Variants in DOCK1 observed in about 807,000 individuals in gnomAD.
The protein encoded by DOCK1 is dedicator of cytokinesis 1.
In DOCK1, 138 loss-of-function variants were observed where a neutral mutation model predicts 262.7. The ratio of observed to expected loss-of-function variants is 0.53; its 90% CI spans 0.46 to 0.61. The LOEUF is 0.61. Among genes scored for constraint, DOCK1 ranks in the 20% least tolerant of loss-of-function variants. The pLI is 0.00. For missense variants in DOCK1, 1,908 were observed against 2,370.7 expected (o/e 0.80, Z 4.05); for synonymous variants, 866 against 867.4 (o/e 1.00, Z 0.03).
intron 26 of DOCK1, among the ~76,000 whole-genome samples, chr10:127,126,946 C>T (rs1334948098): frequency 6.6e-6 from 1 of 152,212 alleles, no homozygotes; most frequent in Non-Finnish European, 1.5e-5. Context: ...CTGGAAACCT[C>T]ACCTCTTACA....
chr10:127,065,501 A>T (rs2045809483), intron 23 of DOCK1, among the ~76,000 whole-genome samples: 1 of 151,988 alleles, frequency 6.6e-6, no homozygotes, highest in African/African-American at 2.4e-5. Flanking sequence ...TGCTGCTGGG[A>T]ACTGGGGTGT....
intron 32 of DOCK1, among the ~76,000 whole-genome samples, chr10:127,357,179 G>A (rs560678347): frequency 1.3e-5 from 2 of 152,288 alleles, no homozygotes; most frequent in Admixed American, 6.5e-5. Flanking sequence ...AACTCAGCTC[G>A]AGCCACAGCT....
intron 1 of DOCK1, among the ~76,000 whole-genome samples, chr10:126,961,031 T>C (rs2037176894): frequency 6.6e-6 from 1 of 152,116 alleles, no homozygotes. Context: ...CACATTCTTA[T>C]CTTCACCATC....
intron 1 of DOCK1, among the ~76,000 whole-genome samples, chr10:126,921,926 A>G (rs1046116027): frequency 6.6e-6 from 1 of 152,090 alleles, no homozygotes; most frequent in African/African-American, 2.4e-5. Flanking sequence ...GAAAAGAGGT[A>G]TAAGGCTGGA....
In DOCK1 at chr10:127,175,482, A is replaced by G; in HGVS notation, c.2847+47718A>G. 6.2e-7 allele frequency: 1 copy of G among 1,609,330 alleles called. No individual in the cohort carries two copies. The highest frequency in any genetic ancestry group is 8.5e-7 in the Non-Finnish European group (1 of 1,179,998). Reference sequence around the variant, plus strand: ...GCACTGCATCGGGGGTGAGCAGGCCAGGGCAGTTTCCGAGGGCGCCTGGAG... The same window carrying G: ...GCACTGCATCGGGGGTGAGCAGGCCGGGGCAGTTTCCGAGGGCGCCTGGAG... On this transcript the variant is annotated intron_variant, in intron 27 of 51. Transcript: ENST00000623213. The surrounding 1 kb of genome is among the most constrained non-coding windows in gnomAD (Gnocchi z 6.3).
At chr10:127,201,058 T>C (rs1302499005) in intron 27 of DOCK1, among the ~76,000 whole-genome samples, 4 of 152,226 alleles carry the variant, frequency 2.6e-5, no homozygotes, top group African/African-American at 9.6e-5. Context: ...GAGGGAAAAG[T>C]AACTCATATC....
intron 38 of DOCK1, among the ~76,000 whole-genome samples, chr10:127,394,113 G>A (rs2066669805): frequency 1.3e-5 from 2 of 152,126 alleles, no homozygotes; most frequent in African/African-American, 2.4e-5. Context: ...TGGAGGATGA[G>A]GGTCAAAAAT....
chr10:127,040,903 T>C (rs9418810), intron 19 of DOCK1, among the ~76,000 whole-genome samples: 25,707 of 152,116 alleles, frequency 0.17, 2,345 homozygotes, highest in South Asian at 0.32. Flanking sequence ...AGAAACCACA[T>C]AGCTATTAGT....
rs2040147263 is a variant in DOCK1 at position 126,995,740 on chromosome 10, C to T, written c.474-1008C>T. Among the ~76,000 whole-genome samples the T allele has an allele frequency of 6.6e-6, 1 of 152,174 alleles. No homozygotes were observed. Among genetic ancestry groups the T allele is most frequent in the African/African-American group, 2.4e-5 (1 of 41,450 alleles). On this transcript the variant is annotated intron_variant, in intron 6 of 51. Coordinates refer to ENST00000623213, the MANE Select transcript of DOCK1 (RefSeq NM_001290223.2). This position sits in a 1 kb window ranked among gnomAD's most constrained non-coding sequence, Gnocchi z 5.8. ...GGACAGATTTATTAGCCAGATGTTG[C>T]TTGTGTTTTTAGTTGGTGACTACAT...
intron 37 of DOCK1, 77 bp downstream of exon 37, chr10:127,381,445 G>A: frequency 2.1e-6 from 3 of 1,408,306 alleles, no homozygotes; most frequent in South Asian, 1.4e-5. Flanking sequence ...ATTTTTCCAT[G>A]GCAAATTTTA....
chr10:127,130,021 C>G (rs1259600432), intron 27 of DOCK1, among the ~76,000 whole-genome samples: 1 of 149,202 alleles, frequency 6.7e-6, no homozygotes, highest in Non-Finnish European at 1.5e-5. Flanking sequence ...GGGGTGTGGT[C>G]CTGTCTCTAG....
chr10:127,024,671 G>A lies in DOCK1; in HGVS notation c.1453-14G>A. On this transcript the variant is annotated splice_polypyrimidine_tract_variant and intron_variant, in intron 14 of 51. Transcript: ENST00000623213. ...ATGAGGTCTTACGTGAGCTCTTTAT[G>A]TCTTCTTTTAAAGCATGTGATTTTC... 6.2e-7 allele frequency: 1 copy of A among 1,602,306 alleles called. No individual in the cohort carries two copies. Among genetic ancestry groups the A allele is most frequent in the Non-Finnish European group, 8.5e-7 (1 of 1,174,166 alleles).
At chr10:127,244,929 T>C (rs1438628022) in intron 27 of DOCK1, among the ~76,000 whole-genome samples, 1 of 152,152 alleles carries the variant, frequency 6.6e-6, no homozygotes, top group Non-Finnish European at 1.5e-5. Context: ...TTAAAATAAA[T>C]CAGTTAAAGC....
chr10:127,410,771 C>T, intron 42 of DOCK1, 69 bp from the exon 43 acceptor site: 1 of 1,442,316 alleles, frequency 6.9e-7, no homozygotes, highest in Non-Finnish European at 9.6e-7. Flanking sequence ...TAAGGCCAGA[C>T]CCCGTGTCCA....
chr10:127,230,750 G>T (rs1263317830), intron 27 of DOCK1, among the ~76,000 whole-genome samples: 2 of 151,426 alleles, frequency 1.3e-5, no homozygotes, highest in Non-Finnish European at 2.9e-5. Flanking sequence ...GCTATTCTGG[G>T]TTTTTTGTTT....
intron 16 of DOCK1, among the ~76,000 whole-genome samples, chr10:127,027,755 G>GGGCCT (rs369059655): frequency 6.8e-6 from 1 of 146,044 alleles, no homozygotes; most frequent in African/African-American, 2.8e-5. Flanking sequence ...ACTATTTCTG[G>GGGCCT]GGCCTGGCCT....
chr10:127,413,401 C>G (rs10830005), intron 43 of DOCK1, among the ~76,000 whole-genome samples: 51,964 of 152,116 alleles, frequency 0.34, 10,116 homozygotes, highest in East Asian at 0.54. Flanking sequence ...TTCACATGCC[C>G]CACAAAGCCT....
intron 32 of DOCK1, among the ~76,000 whole-genome samples, chr10:127,355,008 G>A (rs1017501057): frequency 1.2e-4 from 19 of 152,186 alleles, no homozygotes; most frequent in African/African-American, 4.6e-4. Context: ...CCCTGGTGTT[G>A]CCTCCCTCCC....
At chr10:127,053,741 A>G (rs1303580571) in intron 22 of DOCK1, among the ~76,000 whole-genome samples, 3 of 152,248 alleles carry the variant, frequency 2.0e-5, no homozygotes, top group Admixed American at 6.5e-5. Context: ...TTAATATTGT[A>G]TAGATACAGA....
Sources: gnomAD v4.1 joint callset for allele counts (sites outside exome capture counted in the v4.1 genomes callset) on GRCh38, gnomAD v4.1.1 for gene constraint, Gnocchi (gnomAD v3.1) non-coding constraint, MANE v1.5 for transcripts, NCBI Gene and HGNC (gene_info 2026-07-23, HGNC 2026-07-21) for gene names.